LSAMP: variants seen among roughly 807,000 people sequenced by gnomAD.
LSAMP encodes limbic system-associated membrane protein.
Under a neutral mutation model 38.6 loss-of-function variants are expected in LSAMP, and 7 were observed. That is an observed-to-expected ratio of 0.18 (90% CI 0.10 to 0.34). The LOEUF is 0.34. LSAMP is among the 10% of genes least tolerant of loss of function. The pLI, the probability that LSAMP is intolerant of heterozygous loss-of-function variation, is 1.00. For missense variants in LSAMP, 313 were observed against 420.0 expected (o/e 0.75, Z 2.23); for synonymous variants, 154 against 166.8 (o/e 0.92, Z 0.59).
At chr3:115,854,712 AG>A (rs1442141182) in intron 3 of LSAMP, among the ~76,000 whole-genome samples, 1 of 152,186 alleles carries the variant, frequency 6.6e-6, no homozygotes, top group Non-Finnish European at 1.5e-5. Flanking sequence ...AGGGGTAAAA[AG>A]ATCTTTCCTG....
intron 3 of LSAMP, among the ~76,000 whole-genome samples, chr3:115,862,859 C>T (rs1022675366): frequency 2.0e-5 from 3 of 152,184 alleles, no homozygotes; most frequent in African/African-American, 4.8e-5. Flanking sequence ...GCAGATGGAT[C>T]ACAGTGGGAG....
intron 1 of LSAMP, among the ~76,000 whole-genome samples, chr3:116,391,710 G>C (rs532882130): frequency 1.3e-5 from 2 of 152,198 alleles, no homozygotes; most frequent in African/African-American, 4.8e-5. Flanking sequence ...GCAGCAGACC[G>C]TCTGGAGCGG....
chr3:115,851,061 C>T (rs560638466), intron 4 of LSAMP, among the ~76,000 whole-genome samples: 41 of 152,280 alleles, frequency 2.7e-4, no homozygotes, highest in Non-Finnish European at 5.3e-4. Flanking sequence ...GCAACCTCCA[C>T]CTTCTGGGTT....
chr3:116,309,706 T>C (rs2107715352), intron 1 of LSAMP, among the ~76,000 whole-genome samples: 1 of 152,248 alleles, frequency 6.6e-6, no homozygotes, highest in South Asian at 2.1e-4. Context: ...GGCCAATGTC[T>C]TTTCTCCATG....
intron 3 of LSAMP, among the ~76,000 whole-genome samples, chr3:115,917,225 C>T (rs1246262845): frequency 1.3e-5 from 2 of 152,198 alleles, no homozygotes; most frequent in East Asian, 3.8e-4. Flanking sequence ...TTAAACAATG[C>T]TCAATAGCTT....
chr3:116,237,980 A>T lies in LSAMP; in HGVS notation c.156-151424T>A, dbSNP rs74785022. Among the ~76,000 whole-genome samples the T allele has an allele frequency of 3.6e-3, 548 of 152,266 alleles. 5 individuals are homozygous for T. The highest frequency in any genetic ancestry group is 0.032 in the East Asian group (163 of 5,172). On this transcript the variant is annotated intron_variant, in intron 1 of 6. Transcript: ENST00000490035. Reference sequence around the variant, plus strand: ...GAAGGACAGTCCTATGTATTGTAGGATGTTCAACAGCATCCCTGACTTCTA... The same window carrying T: ...GAAGGACAGTCCTATGTATTGTAGGTTGTTCAACAGCATCCCTGACTTCTA...
intron 1 of LSAMP, among the ~76,000 whole-genome samples, chr3:116,164,989 T>C (rs1710014614): frequency 6.6e-6 from 1 of 151,996 alleles, no homozygotes; most frequent in Non-Finnish European, 1.5e-5. Flanking sequence ...CACTTGTTAC[T>C]TTTTTAAAGC....
intron 3 of LSAMP, among the ~76,000 whole-genome samples, chr3:115,968,921 C>G (rs1191060894): frequency 6.6e-6 from 1 of 152,204 alleles, no homozygotes; most frequent in African/African-American, 2.4e-5. Flanking sequence ...CCTAAATGCT[C>G]CCTCCAGCAG....
At chr3:116,164,590 T>TAATCCAA (rs1709985996) in intron 1 of LSAMP, among the ~76,000 whole-genome samples, 1 of 101,266 alleles carries the variant, frequency 9.9e-6, no homozygotes, top group Non-Finnish European at 2.0e-5. Context: ...TATATATATA[T>TAATCCAA]ATATAATCCA....
At chr3:116,056,024 T>C (rs1245895694) in intron 2 of LSAMP, among the ~76,000 whole-genome samples, 1 of 152,188 alleles carries the variant, frequency 6.6e-6, no homozygotes, top group African/African-American at 2.4e-5. Flanking sequence ...TCATTAAGCC[T>C]GGAGGCTTGC....
intron 1 of LSAMP, among the ~76,000 whole-genome samples, chr3:116,283,987 T>C (rs1173231606): frequency 1.3e-5 from 2 of 152,090 alleles, no homozygotes; most frequent in African/African-American, 2.4e-5. Context: ...ACCTGGGTGA[T>C]AGAGTGAGAC....
intron 1 of LSAMP, among the ~76,000 whole-genome samples, chr3:116,187,397 A>C (rs1190205954): frequency 2.6e-5 from 4 of 152,214 alleles, no homozygotes; most frequent in Non-Finnish European, 4.4e-5. Context: ...ACTGCTTTTC[A>C]ATACTAGCTA....
chr3:115,853,528 A>G (rs138071712), intron 3 of LSAMP, among the ~76,000 whole-genome samples: 1 of 152,346 alleles, frequency 6.6e-6, no homozygotes, highest in Non-Finnish European at 1.5e-5. Flanking sequence ...AAATTCCCCT[A>G]TGTGGAGAAT....
At chr3:116,260,105 A>G (rs1046526234) in intron 1 of LSAMP, among the ~76,000 whole-genome samples, 1 of 152,138 alleles carries the variant, frequency 6.6e-6, no homozygotes, top group Non-Finnish European at 1.5e-5. Context: ...TTTCATTTAC[A>G]TTCAGAAGAT....
chr3:116,107,096 A>G (rs868689160), intron 1 of LSAMP, among the ~76,000 whole-genome samples: 1 of 152,120 alleles, frequency 6.6e-6, no homozygotes, highest in African/African-American at 2.4e-5. Flanking sequence ...CAGGGTGAGG[A>G]ACAGGAAAGA....
At chr3:115,826,956 CTTTTT>C (rs67125824) in intron 6 of LSAMP, among the ~76,000 whole-genome samples, 10 of 133,474 alleles carry the variant, frequency 7.5e-5, no homozygotes, top group Non-Finnish European at 1.1e-4. Flanking sequence ...ATCATTCCGT[CTTTTT>C]TTTTTTTTTT....
At chr3:115,910,842 G>A (rs1173511413) in intron 3 of LSAMP, among the ~76,000 whole-genome samples, 2 of 152,158 alleles carry the variant, frequency 1.3e-5, no homozygotes, top group Non-Finnish European at 2.9e-5. Flanking sequence ...AGTCACTGGA[G>A]AATCACCCAG....
intron 1 of LSAMP, among the ~76,000 whole-genome samples, chr3:116,344,064 C>T (rs1041009095): frequency 1.3e-5 from 2 of 152,066 alleles, no homozygotes; most frequent in African/African-American, 4.8e-5. Flanking sequence ...GTAATAAGCT[C>T]ATCATGTGGG....
intron 1 of LSAMP, among the ~76,000 whole-genome samples, chr3:116,341,080 T>G (rs1201667672): frequency 1.3e-5 from 2 of 152,006 alleles, no homozygotes; most frequent in African/African-American, 4.8e-5. Context: ...GGTAATGACA[T>G]TTAAACACTT....
Sources: allele counts gnomAD v4.1 joint callset (sites outside exome capture counted in the v4.1 genomes callset), GRCh38; gene constraint gnomAD v4.1.1; transcripts MANE v1.5; gene names NCBI Gene and HGNC (gene_info 2026-07-23, HGNC 2026-07-21).